SESTD1: variants seen among roughly 807,000 people sequenced by gnomAD.
SESTD1 encodes the protein SEC14 domain and spectrin repeat-containing protein 1.
SESTD1 carries 43 observed loss-of-function variants against 101.7 expected under a neutral mutation model. The observed-to-expected ratio is 0.42, with a 90% CI of 0.33 to 0.55. SESTD1 has a LOEUF of 0.55. SESTD1 is among the 20% of genes least tolerant of loss of function. The pLI, the probability that SESTD1 is intolerant of heterozygous loss-of-function variation, is 0.07. For missense variants in SESTD1, 647 were observed against 815.1 expected, an observed-to-expected ratio of 0.79 and a Z score of 2.51; for synonymous variants, 283 against 286.8, an observed-to-expected ratio of 0.99 and a Z score of 0.13.
At chr2:179,253,777 G>A (rs990219156) in intron 1 of SESTD1, among the ~76,000 whole-genome samples, 20 of 152,118 alleles carry the variant, frequency 1.3e-4, no homozygotes, top group Non-Finnish European at 5.9e-5. Context: ...ATGAAAGGAA[G>A]AATTTGTAAT....
At chr2:179,220,512 G>C (rs2046800233) in intron 1 of SESTD1, among the ~76,000 whole-genome samples, 1 of 152,070 alleles carries the variant, frequency 6.6e-6, no homozygotes. Context: ...ATTATCTACT[G>C]CCACAGTTCC....
intron 5 of SESTD1, among the ~76,000 whole-genome samples, chr2:179,153,554 G>T (rs542401619): frequency 4.1e-4 from 63 of 152,086 alleles, no homozygotes; most frequent in Admixed American, 1.5e-3. Context: ...TGTGTCCAAT[G>T]GAAGGTTTAG....
chr2:179,173,460 A>G (rs568364181), intron 4 of SESTD1, among the ~76,000 whole-genome samples: 1 of 152,360 alleles, frequency 6.6e-6, no homozygotes, highest in East Asian at 1.9e-4. Flanking sequence ...TATGACAAAT[A>G]TCTCACATAT....
rs1436923096 is a variant in SESTD1, at chr2:179,116,691, T to C, written c.1624A>G (p.Arg542Gly). ...QETKVLLEKH[R>G]KFVDVAQSTY... Reference sequence around the variant, plus strand: ...ACCTGTGCAACATCAACAAATTTTCTATGCTTTTCCAGCAAAACTTTCGTT... The same window carrying C: ...ACCTGTGCAACATCAACAAATTTTCCATGCTTTTCCAGCAAAACTTTCGTT... Residue 542 changes from arginine (R) to glycine (G), a missense_variant, in exon 15 of 18, where the codon AGA becomes GGA. By Grantham distance (125) the Arg-to-Gly change is moderately radical. This residue lies in a region of SESTD1 where 476 missense variants were observed against 562.6 expected (regional missense o/e 0.85). Coordinates refer to ENST00000428443, the MANE Select transcript of SESTD1 (RefSeq NM_178123.5). 1 of 1,614,044 alleles carries C rather than the reference T, an allele frequency of 6.2e-7. No homozygotes were observed. Among genetic ancestry groups the C allele is most frequent in the African/African-American group, 1.3e-5 (1 of 74,948 alleles).
chr2:179,220,405 T>C (rs1216613697), intron 1 of SESTD1, among the ~76,000 whole-genome samples: 1 of 152,184 alleles, frequency 6.6e-6, no homozygotes, highest in Non-Finnish European at 1.5e-5. Context: ...AAAAGGAACA[T>C]TGCACTAGAG....
intron 15 of SESTD1, among the ~76,000 whole-genome samples, chr2:179,116,321 T>G (rs2044632605): frequency 6.6e-6 from 1 of 152,114 alleles, no homozygotes; most frequent in Admixed American, 6.6e-5. Flanking sequence ...TTCTGTATTA[T>G]TATGCTAACA....
At chr2:179,255,737 G>A (rs546580757) in intron 1 of SESTD1, among the ~76,000 whole-genome samples, 1 of 152,374 alleles carries the variant, frequency 6.6e-6, no homozygotes, top group Admixed American at 6.5e-5. Flanking sequence ...TTTCAATGTA[G>A]ATGAAACAGC....
At chr2:179,153,230 A>G (rs957776810) in intron 5 of SESTD1, among the ~76,000 whole-genome samples, 3 of 152,198 alleles carry the variant, frequency 2.0e-5, no homozygotes, top group Non-Finnish European at 4.4e-5. Flanking sequence ...GTGAATCATT[A>G]GATTCTTTAT....
intron 1 of SESTD1, among the ~76,000 whole-genome samples, chr2:179,197,217 A>AAATGAAATG (rs1435924258): frequency 2.0e-5 from 3 of 152,178 alleles, no homozygotes; most frequent in South Asian, 2.1e-4. Flanking sequence ...CAGCTATGGA[A>AAATGAAATG]AATGAAATGA....
intron 1 of SESTD1, among the ~76,000 whole-genome samples, chr2:179,228,931 C>T (rs1338204750): frequency 1.3e-5 from 2 of 151,920 alleles, no homozygotes; most frequent in East Asian, 1.9e-4. Context: ...GGGCTGGAGG[C>T]AAGGACAGAA....
intron 3 of SESTD1, among the ~76,000 whole-genome samples, chr2:179,182,018 A>G (rs1477624519): frequency 6.6e-6 from 1 of 151,698 alleles, no homozygotes; most frequent in Non-Finnish European, 1.5e-5. Context: ...CAGCAACAGA[A>G]TCATTAAATT....
chr2:179,179,672 T>C (rs892073973), intron 3 of SESTD1, among the ~76,000 whole-genome samples: 2 of 152,212 alleles, frequency 1.3e-5, no homozygotes, highest in Non-Finnish European at 2.9e-5. Flanking sequence ...TCTAGCACCA[T>C]GCTTTAAATA....
At chr2:179,245,596 A>G (rs1276826312) in intron 1 of SESTD1, among the ~76,000 whole-genome samples, 3 of 148,568 alleles carry the variant, frequency 2.0e-5, no homozygotes, top group African/African-American at 7.4e-5. Context: ...GGGGGAGCTG[A>G]GGTGGGAGGA....
intron 1 of SESTD1, among the ~76,000 whole-genome samples, chr2:179,219,365 G>A (rs145363931): frequency 1.3e-5 from 2 of 152,220 alleles, no homozygotes; most frequent in African/African-American, 2.4e-5. Flanking sequence ...TCTTCAAGGA[G>A]CATTTCTTAA....
chr2:179,181,373 T>C (rs1424065723), intron 3 of SESTD1, among the ~76,000 whole-genome samples: 2 of 152,174 alleles, frequency 1.3e-5, no homozygotes, highest in Non-Finnish European at 2.9e-5. Flanking sequence ...CTATGTCTTC[T>C]GGAATTCAGT....
At chr2:179,177,025 C>A (rs181329607) in intron 3 of SESTD1, among the ~76,000 whole-genome samples, 2 of 152,146 alleles carry the variant, frequency 1.3e-5, no homozygotes. Context: ...GGCTTCTTAG[C>A]GTTCCTTTGG....
At chr2:179,123,601 T>G in intron 12 of SESTD1, 114 bp downstream of exon 12, 1 of 667,402 alleles carries the variant, frequency 1.5e-6, no homozygotes, top group Non-Finnish European at 2.5e-6. Context: ...ATTTTTCTGT[T>G]TCCTGAAAAT....
chr2:179,124,526 C>T lies in SESTD1; in HGVS notation c.1005G>A (p.Gln335=). 2 of 1,613,992 alleles carry T rather than the reference C, an allele frequency of 1.2e-6. No individual in the cohort carries two copies. Among genetic ancestry groups the T allele is most frequent in the Non-Finnish European group, 1.7e-6 (2 of 1,179,946 alleles). Residue 335 remains glutamine, a synonymous_variant, in exon 11 of 18, where the codon CAG becomes CAA. Coordinates refer to ENST00000428443, the MANE Select transcript of SESTD1 (RefSeq NM_178123.5). ...CAGCATTCAAGAGTGCTGCAATTTG[C>T]TGATTAAGTTCCACATACACTGCAA... is the stretch of plus-strand genomic sequence containing the variant. ...EWFAVYVELN[Q]QIAALLNAGD...
chr2:179,147,870 G>A (rs752240807), intron 7 of SESTD1, among the ~76,000 whole-genome samples: 9 of 152,116 alleles, frequency 5.9e-5, no homozygotes, highest in Non-Finnish European at 1.0e-4. Context: ...AAACTTACTC[G>A]GATGGACTAT....
Sources: allele counts gnomAD v4.1 joint callset (sites outside exome capture counted in the v4.1 genomes callset), GRCh38; gene constraint gnomAD v4.1.1; regional missense constraint gnomAD v4.1.1; transcripts MANE v1.5; gene names NCBI Gene and HGNC (gene_info 2026-07-23, HGNC 2026-07-21).